Variants in LTBR observed in about 807,000 individuals in gnomAD.
LTBR encodes tumor necrosis factor receptor superfamily member 3.
LTBR carries 15 observed loss-of-function variants against 45.4 expected under a neutral mutation model. The ratio of observed to expected loss-of-function variants is 0.33; its 90% CI spans 0.22 to 0.51. The LOEUF (loss-of-function observed/expected upper bound fraction) is 0.51, where lower values mean the gene tolerates loss of function less well. Among genes scored for constraint, LTBR ranks in the 20% least tolerant of loss-of-function variants. The pLI is 0.97. For missense variants in LTBR, 450 were observed against 565.5 expected, an observed-to-expected ratio of 0.80 and a Z score of 2.07; for synonymous variants, 228 against 231.0, an observed-to-expected ratio of 0.99 and a Z score of 0.12.
chr12:6,377,553 C>A, intron 1 of LTBR: 1 of 857,362 alleles, frequency 1.2e-6, no homozygotes, highest in Non-Finnish European at 1.8e-6. Context: ...CGTCTGCTCT[C>A]TGGGTGCTGG....
At chr12:6,385,581 G>A (rs1949030895) in intron 4 of LTBR, 1 of 665,672 alleles carries the variant, frequency 1.5e-6, no homozygotes, top group Non-Finnish European at 2.5e-6. Flanking sequence ...ACAGGAGGTG[G>A]TTCTTCTCAG....
chr12:6,384,730 C>T, intron 2 of LTBR, 46 bp downstream of exon 2: 1 of 1,565,570 alleles, frequency 6.4e-7, no homozygotes, highest in Non-Finnish European at 8.8e-7. Context: ...AAGTGGGTCA[C>T]GGGGGCTCCA....
upstream of LTBR, among the ~76,000 whole-genome samples, chr12:6,383,358 C>T (rs969212513): frequency 6.6e-6 from 1 of 152,164 alleles, no homozygotes; most frequent in African/African-American, 2.4e-5. Context: ...TCCCGGTTCC[C>T]TTATGTATCA....
rs754851594 is a variant in LTBR, at chr12:6,386,674, A to G, written c.667+230A>G. ...ATATACTGTAATACTATGTCAAGGA[A>G]CACATCCCACACTGAGATGTAATGA... is the stretch of plus-strand genomic sequence containing the variant. On this transcript the variant is annotated intron_variant, in intron 6 of 9. Coordinates refer to ENST00000228918, the MANE Select transcript of LTBR (RefSeq NM_002342.3). This position sits in a 1 kb window ranked among gnomAD's most constrained non-coding sequence, Gnocchi z 4.1. 2.0e-6 allele frequency: 1 copy of G among 511,944 alleles called. No homozygotes were observed. Among genetic ancestry groups the G allele is most frequent in the Non-Finnish European group, 3.5e-6 (1 of 288,056 alleles). The allele number at this position is 511,944 out of a possible 1,614,324, so 31.7% of individuals were successfully genotyped here. A position where few individuals can be genotyped will look rare whatever the true frequency, so the allele number is the denominator to read the frequency against.
In LTBR at chr12:6,391,060, TA is replaced by T; in HGVS notation, c.*125del. 9.5e-7 allele frequency: 1 copy of T among 1,054,898 alleles called. No individual in the cohort carries two copies. Among genetic ancestry groups the T allele is most frequent in the Non-Finnish European group, 1.3e-6 (1 of 762,504 alleles). The allele number at this position is 1,054,898 out of a possible 1,614,324, so 65.3% of individuals were successfully genotyped here. A position where few individuals can be genotyped will look rare whatever the true frequency, so the allele number is the denominator to read the frequency against. ...CCGGGGAAGCAGAGCCCTAAGGGAT[TA>T]AGGCTCAGACACCTCTGAGAGCAGG... On this transcript the variant is annotated 3_prime_UTR_variant, in exon 10 of 10. Transcript: ENST00000228918.
At position 6,390,283 on chromosome 12, in the gene LTBR, C is replaced by G; in HGVS notation, c.973C>G (p.Leu325Val). Reference protein sequence around the residue: ...EAGVPQQQSPLDLTREPQLEP... With the variant: ...EAGVPQQQSPVDLTREPQLEP... ...AGGGGTGCCGCAACAGCAGAGTCCT[C>G]TGGACCTGACCAGGGAGCCGCAGTT... The change falls in exon 9 of 10, where the codon CTG becomes GTG. Residue 325 changes from leucine to valine, a missense_variant. Physicochemically the swap from Leu to Val is conservative, Grantham distance 32 (BLOSUM62 1). Coordinates refer to ENST00000228918, the MANE Select transcript of LTBR (RefSeq NM_002342.3). 1.2e-6 allele frequency: 2 copies of G among 1,613,872 alleles called. No individual in the cohort carries two copies. The highest frequency in any genetic ancestry group is 1.7e-6 in the Non-Finnish European group (2 of 1,179,902).
At chr12:6,375,347 C>T (rs2136916004), upstream of LTBR, 1 of 1,447,794 alleles carries the variant, frequency 6.9e-7, no homozygotes, top group South Asian at 1.5e-5. Context: ...AGCCTCTGGC[C>T]CTGACCTCGA....
intron 1 of LTBR, 24 bp from the exon 2 acceptor site, chr12:6,384,561 TCTC>T: frequency 1.2e-6 from 2 of 1,611,840 alleles, no homozygotes; most frequent in South Asian, 1.1e-5. Context: ...CTAATTCTTC[TCTC>T]CTCTTCTCCA....
intron 6 of LTBR, chr12:6,387,856 A>G (rs546602610): frequency 2.2e-6 from 1 of 455,488 alleles, no homozygotes; most frequent in South Asian, 1.6e-5. Context: ...AGGCGGCCAC[A>G]GGCAGTTCCG....
At position 6,384,599 on chromosome 12, in the gene LTBR, TGC is replaced by T; in HGVS notation, c.110_111del (p.Ala37ValfsTer15). The T allele has an allele frequency of 6.2e-7, 1 of 1,614,122 alleles. No individual in the cohort carries two copies. Among genetic ancestry groups the T allele is most frequent in the Non-Finnish European group, 8.5e-7 (1 of 1,179,952 alleles). On this transcript the variant is annotated frameshift_variant, in exon 2 of 10. Coordinates refer to ENST00000228918, the MANE Select transcript of LTBR (RefSeq NM_002342.3). LOFTEE classifies it high-confidence loss of function. ...ATCTCCCTTTGAAGGTGCCTCCATA[TGC>T]GTCGGAGAACCAGACCTGCAGGGAC... ...ASQPQAVPPYASENQTCRDQE... is the reference protein window; with the variant it reads ...ASQPQAVPPYXSENQTCRDQE...
At chr12:6,379,326 A>C (rs1340507855), upstream of LTBR, among the ~76,000 whole-genome samples, 1 of 152,216 alleles carries the variant, frequency 6.6e-6, no homozygotes. Context: ...AGCATCTGCA[A>C]AACTTCAAAC....
In LTBR at chr12:6,386,558, G is replaced by A; in HGVS notation, c.667+114G>A. 1.3e-6 allele frequency: 1 copy of A among 787,028 alleles called. No homozygotes were observed. The highest frequency in any genetic ancestry group is 2.1e-6 in the Non-Finnish European group (1 of 480,864). The allele number at this position is 787,028 out of a possible 1,614,324, so 48.8% of individuals were successfully genotyped here. On this transcript the variant is annotated intron_variant, in intron 6 of 9. Transcript: ENST00000228918. This position sits in a 1 kb window ranked among gnomAD's most constrained non-coding sequence, Gnocchi z 4.1. ...ACACTTCCCTCCCAGAATTGGGCAAGAAGAAAGTTCCTTACAGAAAAAATT... is the reference window on the plus strand; with the variant it reads ...ACACTTCCCTCCCAGAATTGGGCAAAAAGAAAGTTCCTTACAGAAAAAATT...
At chr12:6,380,806 G>C (rs1156992561), upstream of LTBR, among the ~76,000 whole-genome samples, 1 of 152,166 alleles carries the variant, frequency 6.6e-6, no homozygotes, top group Non-Finnish European at 1.5e-5. Context: ...TTCGGAAGAA[G>C]GCCTGGGAGA....
At position 6,388,521 on chromosome 12, in the gene LTBR, A is replaced by C; in HGVS notation, c.775+16A>C. 6.2e-7 allele frequency: 1 copy of C among 1,604,030 alleles called. No individual in the cohort carries two copies. Among genetic ancestry groups the C allele is most frequent in the South Asian group, 1.1e-5 (1 of 90,888 alleles). ...AGGAAACTGGGTAGGAAAGGGTTGGATGCAGTGGATGGTTGGCAATGGGAG... is the reference window on the plus strand; with the variant it reads ...AGGAAACTGGGTAGGAAAGGGTTGGCTGCAGTGGATGGTTGGCAATGGGAG... On this transcript the variant is annotated intron_variant, in intron 7 of 9. Transcript: ENST00000228918. The surrounding 1 kb of genome is among the most constrained non-coding windows in gnomAD (Gnocchi z 4.3).
rs771908386 is a variant in LTBR, at chr12:6,390,314, C to A, written c.1004C>A (p.Pro335His). The A allele has an allele frequency of 1.9e-6, 3 of 1,608,882 alleles. No individual in the cohort carries two copies. In the East Asian group the frequency reaches 6.7e-5, roughly 36 times the overall value. The change falls in exon 9 of 10, where the codon CCC becomes CAC. Residue 335 changes from proline to histidine, a missense_variant. Transcript: ENST00000228918. ...LDLTREPQLE[P>H]GEQSQVAHGT... is the part of the protein sequence containing the mutation. ...CTGACCAGGGAGCCGCAGTTGGAAC[C>A]CGGGGAGCAGAGCCAGGTGGCCCAC...
At chr12:6,375,208 C>T, upstream of LTBR, 4 of 1,445,108 alleles carry the variant, frequency 2.8e-6, no homozygotes, top group Non-Finnish European at 3.6e-6. Context: ...CACTCCCTCT[C>T]TATCTGCCTT....
intron 1 of LTBR, chr12:6,375,886 G>GA (rs1948898383): frequency 1.6e-6 from 2 of 1,265,874 alleles, no homozygotes; most frequent in East Asian, 7.1e-5. Flanking sequence ...CAGGAGGGCA[G>GA]AAAGAGGGAG....
Position 6,391,382 on chromosome 12 carries a change from C to T in LTBR, c.*445C>T, listed in dbSNP as rs998311810. The stretch of plus-strand genomic sequence containing the variant: ...CACTTCACGTGGACTGAGGTAGACC[C>T]TGCATGAAGATGAAATTATAGGGAG... On this transcript the variant is annotated 3_prime_UTR_variant, in exon 10 of 10. Coordinates refer to ENST00000228918, the MANE Select transcript of LTBR (RefSeq NM_002342.3). The T allele has an allele frequency of 6.4e-6, 1 of 155,106 alleles. No individual in the cohort carries two copies. The highest frequency in any genetic ancestry group is 2.4e-5 in the African/African-American group (1 of 41,596). The allele number at this position is 155,106 out of a possible 1,614,324, so 9.6% of individuals were successfully genotyped here.
At chr12:6,379,746 T>C (rs1385916246), upstream of LTBR, among the ~76,000 whole-genome samples, 4 of 148,682 alleles carry the variant, frequency 2.7e-5, no homozygotes, top group Non-Finnish European at 4.5e-5. Context: ...CTGGCTAACA[T>C]GGTGAAACCC....
Sources: gnomAD v4.1 joint callset for allele counts (sites outside exome capture counted in the v4.1 genomes callset) on GRCh38, gnomAD v4.1.1 for gene constraint, Gnocchi (gnomAD v3.1) non-coding constraint, MANE v1.5 for transcripts, NCBI Gene and HGNC (gene_info 2026-07-23, HGNC 2026-07-21) for gene names.